CLINT1: variants seen among roughly 807,000 people sequenced by gnomAD.
CLINT1 encodes the protein clathrin interactor 1.
CLINT1 carries 15 observed loss-of-function variants against 70.4 expected under a neutral mutation model. That is an observed-to-expected ratio of 0.21 (90% CI 0.14 to 0.33). The LOEUF (loss-of-function observed/expected upper bound fraction) is 0.33, where lower values mean the gene tolerates loss of function less well. CLINT1 is among the 10% of genes least tolerant of loss of function. The pLI is 1.00. For missense variants in CLINT1, 615 were observed against 778.1 expected, an observed-to-expected ratio of 0.79 and a Z score of 2.49; for synonymous variants, 227 against 254.7, an observed-to-expected ratio of 0.89 and a Z score of 1.04.
chr5:157,831,194 T>C (rs1185366865), intron 1 of CLINT1, among the ~76,000 whole-genome samples: 2 of 151,062 alleles, frequency 1.3e-5, no homozygotes, highest in Non-Finnish European at 3.0e-5. Flanking sequence ...GTTTTACTTT[T>C]TTTTTTTTTT....
At chr5:157,806,436 G>T (rs1762386383) in intron 6 of CLINT1, among the ~76,000 whole-genome samples, 1 of 152,044 alleles carries the variant, frequency 6.6e-6, no homozygotes, top group Non-Finnish European at 1.5e-5. Context: ...AAATAAAATA[G>T]GATTTGATAT....
chr5:157,796,774 T>C (rs1013289184), intron 8 of CLINT1, among the ~76,000 whole-genome samples: 2 of 152,328 alleles, frequency 1.3e-5, no homozygotes, highest in Non-Finnish European at 2.9e-5. Flanking sequence ...CAAATCAGTT[T>C]CTGATATGTG....
chr5:157,816,458 T>G (rs548146946), intron 3 of CLINT1, among the ~76,000 whole-genome samples: 1 of 152,166 alleles, frequency 6.6e-6, no homozygotes, highest in Admixed American at 6.5e-5. Flanking sequence ...TACTCTACTA[T>G]AGATTCATTA....
At chr5:157,840,728 G>A (rs948883975) in intron 1 of CLINT1, among the ~76,000 whole-genome samples, 16 of 150,596 alleles carry the variant, frequency 1.1e-4, no homozygotes, top group East Asian at 5.9e-4. Flanking sequence ...TTTATGTGTC[G>A]TTTATCTCAA....
intron 1 of CLINT1, among the ~76,000 whole-genome samples, chr5:157,835,482 A>C (rs889920941): frequency 6.6e-6 from 1 of 152,188 alleles, no homozygotes; most frequent in Non-Finnish European, 1.5e-5. Context: ...AGGCGACTTT[A>C]TAAAACATAG....
At chr5:157,823,230 G>C (rs941858702) in intron 1 of CLINT1, among the ~76,000 whole-genome samples, 2 of 152,114 alleles carry the variant, frequency 1.3e-5, no homozygotes, top group African/African-American at 2.4e-5. Context: ...ACATAACTTA[G>C]TTCCAAGCAA....
At chr5:157,854,421 A>C (rs1753679429) in intron 1 of CLINT1, among the ~76,000 whole-genome samples, 2 of 152,152 alleles carry the variant, frequency 1.3e-5, no homozygotes, top group African/African-American at 4.8e-5. Context: ...CCTTCTCCAC[A>C]AAAAAATTTT....
rs761550757 is a variant in CLINT1, at chr5:157,791,924, C to T, written c.1159G>A (p.Ala387Thr). 5 of 1,613,876 alleles carry T rather than the reference C, an allele frequency of 3.1e-6. No homozygotes were observed. Reference protein sequence around the residue: ...AFNQAPSGPVASSGEFFGSAS... With the variant: ...AFNQAPSGPVTSSGEFFGSAS... ...CTGCCAAAGAACTCGCCACTGGAAG[C>T]AACAGGGCCTGATGGGGCTTGGTTG... Residue 387 changes from alanine to threonine, a missense_variant, in exon 10 of 12, where the codon GCT becomes ACT. Ala to Thr is a moderately conservative substitution (Grantham distance 58). Around this residue, in one of 2 missense-constraint regions of CLINT1, gnomAD observed 374 missense variants for 409.6 expected, o/e 0.91. Transcript: ENST00000411809.
At chr5:157,800,903 TA>T in intron 8 of CLINT1, among the ~76,000 whole-genome samples, 1 of 152,308 alleles carries the variant, frequency 6.6e-6, no homozygotes, top group East Asian at 1.9e-4. Flanking sequence ...CCTTCCTAGT[TA>T]ATTCTTCTCT....
chr5:157,801,506 C>CA (rs1205787844), intron 8 of CLINT1, among the ~76,000 whole-genome samples: 2,853 of 139,852 alleles, frequency 0.02, 94 homozygotes, highest in African/African-American at 0.069. Context: ...AACTCTGTCT[C>CA]AAAAAAAAAA....
chr5:157,838,882 T>C (rs1763522576), intron 1 of CLINT1, among the ~76,000 whole-genome samples: 2 of 152,178 alleles, frequency 1.3e-5, no homozygotes, highest in Admixed American at 1.3e-4. Flanking sequence ...TTGCTAGAAG[T>C]AGTGAAAATA....
intron 5 of CLINT1, 109 bp from the exon 6 acceptor site, chr5:157,809,914 G>T (rs752115225): frequency 9.1e-7 from 1 of 1,098,044 alleles, no homozygotes. Flanking sequence ...ATTTTCAAAG[G>T]AAAACAGAAA....
At chr5:157,842,554 C>G (rs1207397467) in intron 1 of CLINT1, among the ~76,000 whole-genome samples, 1 of 152,152 alleles carries the variant, frequency 6.6e-6, no homozygotes, top group Non-Finnish European at 1.5e-5. Context: ...ATTTATGACT[C>G]TAAATCACTA....
chr5:157,813,218 C>T lies in CLINT1; in HGVS notation c.362G>A (p.Gly121Asp), dbSNP rs1762613777. 2 of 1,612,460 alleles carry T rather than the reference C, an allele frequency of 1.2e-6. No individual in the cohort carries two copies. Among genetic ancestry groups the T allele is most frequent in the East Asian group, 4.5e-5 (2 of 44,844 alleles). The change falls in exon 5 of 12, where the codon GGT (glycine) becomes GAT (aspartate). Residue 121 changes from glycine (G) to aspartate (D), a missense_variant. This residue lies in a region of CLINT1 where 241 missense variants were observed against 368.6 expected (regional missense o/e 0.65). Transcript: ENST00000411809. ...TCGAATATTTATACCTTGATCCTTA[C>T]CATGCTCATCTATGAGGATGGTAAG... ...LENYHFVDEH[G>D]KDQGINIRQK...
intron 6 of CLINT1, among the ~76,000 whole-genome samples, chr5:157,807,545 A>G (rs1229219457): frequency 6.6e-6 from 1 of 152,134 alleles, no homozygotes; most frequent in East Asian, 1.9e-4. Context: ...ATCAGGATTG[A>G]GGTCATATGC....
intron 1 of CLINT1, among the ~76,000 whole-genome samples, chr5:157,825,963 C>T (rs1763022305): frequency 6.6e-6 from 1 of 151,916 alleles, no homozygotes; most frequent in African/African-American, 2.4e-5. Context: ...ATTCTTGTAA[C>T]CTTAATTCAA....
intron 9 of CLINT1, among the ~76,000 whole-genome samples, chr5:157,793,651 A>G (rs762173901): frequency 3.9e-5 from 6 of 152,196 alleles, no homozygotes; most frequent in Non-Finnish European, 8.8e-5. Flanking sequence ...GGTAACGTTT[A>G]CCTTCCACTT....
At chr5:157,811,698 G>A (rs1581498240) in intron 5 of CLINT1, among the ~76,000 whole-genome samples, 2 of 152,268 alleles carry the variant, frequency 1.3e-5, no homozygotes, top group South Asian at 2.1e-4. Flanking sequence ...AGTGCATTGT[G>A]ACTGAGTTTG....
chr5:157,830,155 CT>C (rs1691209205), intron 1 of CLINT1, among the ~76,000 whole-genome samples: 1 of 152,096 alleles, frequency 6.6e-6, no homozygotes, highest in African/African-American at 2.4e-5. Flanking sequence ...GCCATGTTGC[CT>C]AGGCTGGTCT....
Sources: gnomAD v4.1 joint callset for allele counts (sites outside exome capture counted in the v4.1 genomes callset) on GRCh38, gnomAD v4.1.1 for gene constraint, gnomAD v4.1.1 regional missense constraint, MANE v1.5 for transcripts, NCBI Gene and HGNC (gene_info 2026-07-23, HGNC 2026-07-21) for gene names.